Variants in ADGRE2 observed in about 807,000 individuals in gnomAD.
ADGRE2 encodes the protein adhesion G protein-coupled receptor E2.
A neutral mutation model predicts 100.8 loss-of-function variants in ADGRE2; 83 were observed. The observed-to-expected ratio is 0.82, with a 90% CI of 0.69 to 0.99. ADGRE2 has a LOEUF of 0.99. Ranked by LOEUF, ADGRE2 falls within the 50% of genes least tolerant of loss-of-function variation. ADGRE2 has a pLI of 0.00. For missense variants in ADGRE2, 814 were observed against 1,035.7 expected (o/e 0.79, Z 2.94); for synonymous variants, 355 against 413.0 (o/e 0.86, Z 1.70).
Position 14,751,611 on chromosome 19 carries a change from T to C in ADGRE2, c.1849A>G (p.Met617Val). The change falls in exon 16 of 21, where the codon ATG becomes GTG. Residue 617 changes from methionine to valine, a missense_variant. By Grantham distance (21) the Met-to-Val change is conservative. This residue lies in a region of ADGRE2 where 569 missense variants were observed against 692.7 expected (regional missense o/e 0.82). Transcript: ENST00000315576. ...HYLYLATLTW[M>V]LLEALYLFLT... is the part of the protein sequence containing the mutation. ...AAGAGGTACAGGGCCTCCAGCAGCA[T>C]CCAGGTCAAGGTGGCCAGGTAGAGA... 1 of 1,613,912 alleles carries C rather than the reference T, an allele frequency of 6.2e-7. No individual in the cohort carries two copies. The highest frequency in any genetic ancestry group is 8.5e-7 in the Non-Finnish European group (1 of 1,179,968).
intron 6 of ADGRE2, among the ~76,000 whole-genome samples, chr19:14,766,627 G>A (rs2043988491): frequency 2.0e-5 from 3 of 152,194 alleles, no homozygotes; most frequent in Admixed American, 2.0e-4. Flanking sequence ...ACTGAGTCAT[G>A]GGAGCTGGAC....
At chr19:14,727,070 GC>G in the ADGRE2 span, among the ~76,000 whole-genome samples, 5 of 93,386 alleles carry the variant, frequency 5.4e-5, no homozygotes, top group South Asian at 1.9e-3. Flanking sequence ...TTGCTTTGTT[GC>G]CCAGACAGTG....
chr19:14,771,273 C>G (rs1054052944), intron 5 of ADGRE2, among the ~76,000 whole-genome samples: 2 of 152,286 alleles, frequency 1.3e-5, no homozygotes, highest in Admixed American at 6.5e-5. Context: ...CCCTGGGACC[C>G]TTGGCTCAGC....
rs1293053415 is a variant in ADGRE2 at position 14,772,396 on chromosome 19, C to T, written c.301G>A (p.Glu101Lys). The T allele has an allele frequency of 1.2e-6, 2 of 1,614,068 alleles. No homozygotes were observed. The highest frequency in any genetic ancestry group is 2.2e-5 in the East Asian group (1 of 44,874). ...AATGTTTTTGCCCCAGAAACAGGCT[C>T]ATATCCTGGGCTGCACACGCAGTCG... ...SYDCVCSPGY[E>K]PVSGAKTFKN... is the part of the protein sequence containing the mutation. The change falls in exon 5 of 21, where the codon GAG (glutamate) becomes AAG (lysine). Residue 101 changes from glutamate (E) to lysine (K), a missense_variant. Glu to Lys is a moderately conservative substitution (Grantham distance 56, BLOSUM62 1). Coordinates refer to ENST00000315576, the MANE Select transcript of ADGRE2 (RefSeq NM_013447.4).
In ADGRE2 at chr19:14,766,252, T is replaced by A; in HGVS notation, c.617A>T (p.Asn206Ile). Residue 206 changes from asparagine (N) to isoleucine (I), a missense_variant, in exon 7 of 21, where the codon AAC becomes ATC. Around this residue, in one of 5 missense-constraint regions of ADGRE2, gnomAD observed 69 missense variants for 75.3 expected, o/e 0.92. Transcript: ENST00000315576. The stretch of plus-strand genomic sequence containing the variant: ...CTCTCGACCTTCACAGACGGTATTG[T>A]TTGGGCCATTGGGGGACCCCGGAAT... ...QPIPGSPNGP[N>I]NTVCEDVDEC... The A allele has an allele frequency of 1.9e-6, 3 of 1,614,060 alleles. No individual in the cohort carries two copies. The highest frequency in any genetic ancestry group is 2.5e-6 in the Non-Finnish European group (3 of 1,180,014).
intron 11 of ADGRE2, among the ~76,000 whole-genome samples, chr19:14,758,611 G>A (rs1293343479): frequency 6.6e-6 from 1 of 152,170 alleles, no homozygotes. Context: ...CTGGCTGGGC[G>A]CAGTGGCTCA....
chr19:14,750,510 C>A (rs1197657012), intron 16 of ADGRE2, among the ~76,000 whole-genome samples: 1 of 151,994 alleles, frequency 6.6e-6, no homozygotes, highest in East Asian at 1.9e-4. Flanking sequence ...AGGAGCAAGA[C>A]AAAATTGTCT....
chr19:14,771,180 AAC>A (rs765991855), intron 5 of ADGRE2, among the ~76,000 whole-genome samples: 2 of 152,018 alleles, frequency 1.3e-5, no homozygotes, highest in Non-Finnish European at 2.9e-5. Flanking sequence ...CTGCAGGGAG[AAC>A]AGGAGGGACA....
chr19:14,737,463 G>A (rs2042790524), intron 20 of ADGRE2, among the ~76,000 whole-genome samples: 1 of 152,012 alleles, frequency 6.6e-6, no homozygotes, highest in African/African-American at 2.4e-5. Flanking sequence ...CAAAAATGCT[G>A]GAATTCTAGG....
intron 1 of ADGRE2, 88 bp from the exon 2 acceptor site, chr19:14,777,015 C>CACACACACGG: frequency 7.6e-7 from 1 of 1,315,358 alleles, no homozygotes; most frequent in Non-Finnish European, 9.7e-7. Context: ...CACACACACA[C>CACACACACGG]GTGTACTCGC....
At position 14,776,766 on chromosome 19, in the gene ADGRE2, T is replaced by A. The variant is rs550516101; in HGVS notation, c.-10A>T. 103 of 1,613,066 alleles carry A rather than the reference T, an allele frequency of 6.4e-5. No individual in the cohort carries two copies. In the Admixed American group the frequency reaches 1.4e-3, roughly 21 times the overall value. On this transcript the variant is annotated 5_prime_UTR_variant, in exon 2 of 21. Coordinates refer to ENST00000315576, the MANE Select transcript of ADGRE2 (RefSeq NM_013447.4). ...AGACGCGGCCTCCCATGGTTCCAGCTGAGCTGCCGGCAGGAGCAGCAGGGG... is the reference window on the plus strand; with the variant it reads ...AGACGCGGCCTCCCATGGTTCCAGCAGAGCTGCCGGCAGGAGCAGCAGGGG...
At chr19:14,753,639 C>A (rs2043377402) in intron 14 of ADGRE2, among the ~76,000 whole-genome samples, 1 of 151,830 alleles carries the variant, frequency 6.6e-6, no homozygotes, top group African/African-American at 2.4e-5. Context: ...AGTAAAAATA[C>A]AAAAATTAGC....
rs774156877 is a variant in ADGRE2, at chr19:14,752,316, C to T, written c.1788+13G>A. The T allele has an allele frequency of 1.2e-6, 2 of 1,613,946 alleles. No individual in the cohort carries two copies. Among genetic ancestry groups the T allele is most frequent in the Non-Finnish European group, 1.7e-6 (2 of 1,179,884 alleles). ...TCAAGGAAGGGAGCCCTCTGGAACA[C>T]CGCTGTCAATACCTTGTGTCCGGTT... On this transcript the variant is annotated intron_variant, in intron 15 of 20. Coordinates refer to ENST00000315576, the MANE Select transcript of ADGRE2 (RefSeq NM_013447.4).
chr19:14,754,191 G>A (rs1408763730), intron 14 of ADGRE2, among the ~76,000 whole-genome samples: 1 of 152,016 alleles, frequency 6.6e-6, no homozygotes, highest in East Asian at 1.9e-4. Flanking sequence ...TCTGGGACTC[G>A]GACTGGCTCT....
At chr19:14,765,854 C>T in intron 7 of ADGRE2, 50 bp from the exon 8 acceptor site, 8 of 1,611,312 alleles carry the variant, frequency 5.0e-6, no homozygotes, top group Non-Finnish European at 6.8e-6. Flanking sequence ...TGGAGAGGGT[C>T]CTGTCTCCTG....
Position 14,736,720 on chromosome 19 carries a change from A to G in ADGRE2, c.2464-476T>C, listed in dbSNP as rs913002915. Among the ~76,000 whole-genome samples the G allele has an allele frequency of 8.4e-5, 12 of 143,246 alleles. No homozygotes were observed. In the East Asian group the frequency reaches 2.4e-3, roughly 28 times the overall value. The allele number at this position is 143,246 out of a possible 152,430, so 94.0% of individuals were successfully genotyped here. ...TAGAAATATATAGATATTTAGAAAT[A>G]TATAGATATTTAGAAATATAGATAT... On this transcript the variant is annotated intron_variant, in intron 20 of 20. Coordinates refer to ENST00000315576, the MANE Select transcript of ADGRE2 (RefSeq NM_013447.4).
intron 5 of ADGRE2, among the ~76,000 whole-genome samples, chr19:14,771,425 T>C (rs1482102059): frequency 6.6e-6 from 1 of 152,058 alleles, no homozygotes; most frequent in East Asian, 1.9e-4. Context: ...ACCCAACTAG[T>C]TCCCACTGGA....
intron 20 of ADGRE2, among the ~76,000 whole-genome samples, chr19:14,740,090 G>A (rs1356622792): frequency 2.8e-5 from 4 of 142,450 alleles, no homozygotes; most frequent in Non-Finnish European, 6.1e-5. Flanking sequence ...GACAGAGCGA[G>A]TGAGACTCTG....
Position 14,765,797 on chromosome 19 carries a change from G to A in ADGRE2, c.642C>T (p.Asp214=), listed in dbSNP as rs780996500. 5.3e-5 allele frequency: 85 copies of A among 1,612,544 alleles called. No individual in the cohort carries two copies. Among genetic ancestry groups the A allele is most frequent in the East Asian group, 1.6e-4 (7 of 44,862 alleles). The change falls in exon 8 of 21, where the codon GAC becomes GAT. Residue 214 remains aspartate, a synonymous_variant. Coordinates refer to ENST00000315576, the MANE Select transcript of ADGRE2 (RefSeq NM_013447.4). The part of the protein sequence containing the change: ...GPNNTVCEDV[D]ECSSGQHQCD... ...ACTGATGCTGCCCGGAGCTGCACTC[G>A]TCCACATCTGAGGACAGGAAGAAGG...
Sources: gnomAD v4.1 joint callset for allele counts (sites outside exome capture counted in the v4.1 genomes callset) on GRCh38, gnomAD v4.1.1 for gene constraint, gnomAD v4.1.1 regional missense constraint, MANE v1.5 for transcripts, NCBI Gene and HGNC (gene_info 2026-07-23, HGNC 2026-07-21) for gene names.